Variants in SIL1 observed in about 807,000 individuals in gnomAD.
SIL1 encodes SIL1 nucleotide exchange factor.
Under a neutral mutation model 49.1 loss-of-function variants are expected in SIL1, and 40 were observed. That is an observed-to-expected ratio of 0.81 (90% CI 0.63 to 1.06). The LOEUF (loss-of-function observed/expected upper bound fraction) is 1.06, where lower values mean the gene tolerates loss of function less well. Ranked by LOEUF, SIL1 falls within the 50% of genes least tolerant of loss-of-function variation. The pLI is 0.00. For synonymous variants in SIL1, 253 were observed against 250.8 expected (o/e 1.01, Z -0.08); for missense variants, 500 against 572.6 (o/e 0.87, Z 1.29).
At position 138,947,418 on chromosome 5, in the gene SIL1, T is replaced by A. The variant is rs767548703; in HGVS notation, c.1085A>T (p.Gln362Leu). 9 of 1,613,502 alleles carry A rather than the reference T, an allele frequency of 5.6e-6. No homozygotes were observed. Among genetic ancestry groups the A allele is most frequent in the African/African-American group, 1.3e-5 (1 of 74,916 alleles). ...CAGGAGGTGTACCTGGCGATACTGC[T>A]GCAGCTTCTCTGGGGACATCTCCTG... is the stretch of plus-strand genomic sequence containing the variant. The part of the protein sequence containing the change: ...LTQEMSPEKL[Q>L]QYRQVHLLPG... Residue 362 changes from glutamine (Q) to leucine (L), a missense_variant, in exon 10 of 10, where the codon CAG becomes CTG. Gln to Leu is a moderately radical substitution (Grantham distance 113). Transcript: ENST00000394817. The surrounding 1 kb of genome is among the most constrained non-coding windows in gnomAD (Gnocchi z 4.1).
At chr5:138,982,712 T>G (rs914872518) in intron 7 of SIL1, among the ~76,000 whole-genome samples, 3 of 152,228 alleles carry the variant, frequency 2.0e-5, no homozygotes, top group African/African-American at 7.2e-5. Context: ...CATCCCTGGA[T>G]GGCATCTCCC....
intron 3 of SIL1, among the ~76,000 whole-genome samples, chr5:139,119,805 G>C (rs1403048301): frequency 6.6e-6 from 1 of 152,106 alleles, no homozygotes; most frequent in African/African-American, 2.4e-5. Context: ...CATAAAATCA[G>C]CGGATATAGT....
chr5:139,170,142 T>C (rs1316117104), intron 1 of SIL1, among the ~76,000 whole-genome samples: 1 of 152,242 alleles, frequency 6.6e-6, no homozygotes, highest in African/African-American at 2.4e-5. Context: ...GTGCTGGGAT[T>C]GCAGACGGAG....
chr5:139,041,818 C>CAAAA (rs536666463), intron 5 of SIL1, among the ~76,000 whole-genome samples: 1 of 86,378 alleles, frequency 1.2e-5, no homozygotes, highest in Non-Finnish European at 2.7e-5. Flanking sequence ...AACTCAAAAA[C>CAAAA]AAAAAAAAAA....
chr5:139,073,818 T>TG (rs1458363312), intron 3 of SIL1, among the ~76,000 whole-genome samples: 6 of 151,392 alleles, frequency 4.0e-5, no homozygotes, highest in African/African-American at 1.5e-4. Flanking sequence ...CCCAGCTACT[T>TG]GGGAGGCTGG....
intron 3 of SIL1, among the ~76,000 whole-genome samples, chr5:139,069,477 AAAG>A (rs1044286568): frequency 8.5e-5 from 13 of 152,250 alleles, no homozygotes; most frequent in Admixed American, 2.0e-4. Context: ...AAGAAAGACA[AAAG>A]AAGACCCAAC....
At chr5:139,070,522 G>A (rs1463802452) in intron 3 of SIL1, among the ~76,000 whole-genome samples, 1 of 152,122 alleles carries the variant, frequency 6.6e-6, no homozygotes, top group East Asian at 1.9e-4. Flanking sequence ...TAGAGAAACA[G>A]CTAATTCCAG....
At chr5:138,961,147 A>C (rs1272003774) in intron 7 of SIL1, among the ~76,000 whole-genome samples, 2 of 152,224 alleles carry the variant, frequency 1.3e-5, no homozygotes, top group Non-Finnish European at 2.9e-5. Flanking sequence ...AATACTCTTA[A>C]GTCACATCTC....
At chr5:139,155,764 C>T (rs954241572) in intron 1 of SIL1, among the ~76,000 whole-genome samples, 4 of 152,082 alleles carry the variant, frequency 2.6e-5, no homozygotes, top group Non-Finnish European at 5.9e-5. Flanking sequence ...CAGACCATAG[C>T]AGGTGACAGC....
intron 1 of SIL1, among the ~76,000 whole-genome samples, chr5:139,152,880 G>A (rs1324024793): frequency 5.9e-5 from 9 of 152,096 alleles, no homozygotes; most frequent in South Asian, 2.1e-4. Context: ...GTGCAATGGC[G>A]CGATCTCAGC....
At chr5:138,954,254 T>G (rs903796185) in intron 7 of SIL1, among the ~76,000 whole-genome samples, 1 of 152,260 alleles carries the variant, frequency 6.6e-6, no homozygotes, top group African/African-American at 2.4e-5. Context: ...CTTTTGTAAA[T>G]TGCTGAAATC....
chr5:139,197,638 C>A (rs1230458514), intron 1 of SIL1, among the ~76,000 whole-genome samples: 1 of 152,124 alleles, frequency 6.6e-6, no homozygotes, highest in Non-Finnish European at 1.5e-5. Context: ...TATGTCAAGT[C>A]ATTCTCTCCT....
chr5:138,950,677 GCAC>G (rs1766749859), intron 9 of SIL1, among the ~76,000 whole-genome samples: 2 of 152,298 alleles, frequency 1.3e-5, no homozygotes, highest in South Asian at 4.1e-4. Flanking sequence ...ACAGGGCTGG[GCAC>G]CAAGTCTCCT....
chr5:139,144,677 C>T (rs1338732919), intron 1 of SIL1, among the ~76,000 whole-genome samples: 1 of 152,148 alleles, frequency 6.6e-6, no homozygotes, highest in East Asian at 1.9e-4. Context: ...TCGAAACCAG[C>T]CTGGCCAACA....
At chr5:138,963,989 G>A (rs548038745) in intron 7 of SIL1, among the ~76,000 whole-genome samples, 8 of 152,304 alleles carry the variant, frequency 5.3e-5, no homozygotes, top group African/African-American at 1.7e-4. Context: ...AGAGCTTCCC[G>A]GAAGCAGGAA....
intron 1 of SIL1, among the ~76,000 whole-genome samples, chr5:139,197,322 T>C (rs948367902): frequency 5.3e-5 from 8 of 151,430 alleles, no homozygotes; most frequent in Non-Finnish European, 8.8e-5. Context: ...TTTCTTCTCT[T>C]AGCAAATATG....
rs541290621 is a variant in SIL1 at position 138,981,486 on chromosome 5, G to A, written c.768-29602C>T. Among the ~76,000 whole-genome samples the A allele has an allele frequency of 5.3e-5, 8 of 152,318 alleles. No homozygotes were observed. In the South Asian group the frequency reaches 1.4e-3, roughly 28 times the overall value. On this transcript the variant is annotated intron_variant, in intron 7 of 9. Transcript: ENST00000394817. ...CCCAAATTATCCTCCCCAGAGTCCA[G>A]ATCATATGGGAGTATTTCATGAGAG...
chr5:139,039,507 T>C (rs1768992771), intron 5 of SIL1, among the ~76,000 whole-genome samples: 1 of 152,202 alleles, frequency 6.6e-6, no homozygotes, highest in Admixed American at 6.5e-5. Context: ...TCTGCACCAG[T>C]TGACATTTTC....
chr5:138,978,649 C>T (rs1402902510), intron 7 of SIL1, among the ~76,000 whole-genome samples: 1 of 152,144 alleles, frequency 6.6e-6, no homozygotes, highest in Non-Finnish European at 1.5e-5. Flanking sequence ...TTTACATTTC[C>T]ACTAGCAGTA....
Sources: gnomAD v4.1 joint callset for allele counts (sites outside exome capture counted in the v4.1 genomes callset) on GRCh38, gnomAD v4.1.1 for gene constraint, Gnocchi (gnomAD v3.1) non-coding constraint, MANE v1.5 for transcripts, NCBI Gene and HGNC (gene_info 2026-07-23, HGNC 2026-07-21) for gene names.